Variants in TNKS observed in about 807,000 individuals in gnomAD.
TNKS encodes tankyrase.
In TNKS, 72 loss-of-function variants were observed where a neutral mutation model predicts 135.8. The ratio of observed to expected loss-of-function variants is 0.53; its 90% CI spans 0.44 to 0.64. The LOEUF (loss-of-function observed/expected upper bound fraction) is 0.64. Among genes scored for constraint, TNKS ranks in the 30% least tolerant of loss-of-function variants. The pLI, the probability that TNKS is intolerant of heterozygous loss-of-function variation, is 0.00. For synonymous variants in TNKS, 849 were observed against 649.3 expected (o/e 1.31, Z -4.68); for missense variants, 1,769 against 1,674.0 (o/e 1.06, Z -0.99).
intron 2 of TNKS, among the ~76,000 whole-genome samples, chr8:9,594,583 C>T (rs1169164795): frequency 6.6e-6 from 1 of 152,064 alleles, no homozygotes; most frequent in Admixed American, 6.6e-5. Flanking sequence ...GAGATCATTC[C>T]ACCATATTAT....
chr8:9,684,145 T>A (rs1033917574), intron 5 of TNKS, among the ~76,000 whole-genome samples: 1 of 152,032 alleles, frequency 6.6e-6, no homozygotes, highest in Non-Finnish European at 1.5e-5. Context: ...CACAATTCAT[T>A]ATTGCCATTA....
In TNKS at chr8:9,580,148, T is replaced by C; in HGVS notation, c.674-11T>C. The C allele has an allele frequency of 6.2e-7, 1 of 1,612,932 alleles. No homozygotes were observed. The highest frequency in any genetic ancestry group is 8.5e-7 in the Non-Finnish European group (1 of 1,179,128). ...AATATATATACAAGACATTTTTTCG[T>C]TTCTTTTTAGGTTTTGGAAGGAAGG... On this transcript the variant is annotated splice_polypyrimidine_tract_variant and intron_variant, in intron 1 of 26. Coordinates refer to ENST00000310430, the MANE Select transcript of TNKS (RefSeq NM_003747.3).
chr8:9,672,675 AAC>A (rs1802337291), intron 3 of TNKS, among the ~76,000 whole-genome samples: 2 of 121,644 alleles, frequency 1.6e-5, no homozygotes, highest in South Asian at 3.1e-4. Flanking sequence ...AAAAAAAAAA[AAC>A]ACATACACAC....
chr8:9,662,366 C>T lies in TNKS; in HGVS notation c.995-17585C>T, dbSNP rs571315957. Among the ~76,000 whole-genome samples the T allele has an allele frequency of 2.6e-5, 4 of 152,240 alleles. No individual in the cohort carries two copies. The South Asian group carries it at 8.3e-4, about 32-fold the overall frequency. On this transcript the variant is annotated intron_variant, in intron 3 of 26. Transcript: ENST00000310430. ...AACCCAAATGTCCATCAACGATAGA[C>T]TGGATTAAGAAAATGTGGCACATAT...
chr8:9,734,750 A>G (rs1805605249), intron 15 of TNKS, 115 bp from the exon 16 acceptor site: 2 of 867,260 alleles, frequency 2.3e-6, no homozygotes, highest in Admixed American at 2.9e-5. Context: ...CAAAATGCAT[A>G]TAGAGTAGAT....
intron 13 of TNKS, among the ~76,000 whole-genome samples, chr8:9,727,883 G>A (rs917162228): frequency 1.3e-5 from 2 of 152,098 alleles, no homozygotes; most frequent in Non-Finnish European, 2.9e-5. Flanking sequence ...ATAGCCACTA[G>A]GGAGAAATTT....
chr8:9,752,518 G>A (rs1307342093), intron 19 of TNKS, 26 bp from the exon 20 acceptor site: 2 of 1,553,706 alleles, frequency 1.3e-6, no homozygotes, highest in Non-Finnish European at 1.8e-6. Flanking sequence ...TTCTTTCTGA[G>A]AATCTTTAAT....
intron 25 of TNKS, among the ~76,000 whole-genome samples, chr8:9,767,828 A>G (rs1007901119): frequency 2.0e-5 from 3 of 151,916 alleles, no homozygotes; most frequent in Admixed American, 6.6e-5. Flanking sequence ...GCGTGGTGGC[A>G]GGCGCTTGTA....
rs376222441 is a variant in TNKS at position 9,706,812 on chromosome 8, A to T, written c.1271A>T (p.His424Leu). The T allele has an allele frequency of 3.7e-6, 6 of 1,604,172 alleles. No individual in the cohort carries two copies. The highest frequency in any genetic ancestry group is 5.1e-6 in the Non-Finnish European group (6 of 1,177,302). Residue 424 changes from histidine to leucine, a missense_variant and splice_region_variant, in exon 8 of 27, where the codon CAT becomes CTT. Coordinates refer to ENST00000310430, the MANE Select transcript of TNKS (RefSeq NM_003747.3). ...AAAATGTTTTTTTTCTCAATTCAGC[A>T]TGGAGCTTGTGTTAATGCCATGGAT... ...HYEVTELLLK[H>L]GACVNAMDLW...
chr8:9,572,196 A>G (rs1028210164), intron 1 of TNKS, among the ~76,000 whole-genome samples: 1 of 152,182 alleles, frequency 6.6e-6, no homozygotes, highest in African/African-American at 2.4e-5. Context: ...CATATCTGAG[A>G]TTAATTTGAC....
At chr8:9,606,318 A>G (rs1249291247) in intron 2 of TNKS, among the ~76,000 whole-genome samples, 2 of 151,904 alleles carry the variant, frequency 1.3e-5, no homozygotes, top group Admixed American at 1.3e-4. Flanking sequence ...GTTGGTTTAC[A>G]TACCCAAGTC....
intron 17 of TNKS, among the ~76,000 whole-genome samples, chr8:9,740,055 TAAAAAAAA>T (rs58285747): frequency 9.3e-4 from 81 of 87,448 alleles, no homozygotes; most frequent in East Asian, 1.4e-3. Context: ...TAGAGTATAA[TAAAAAAAA>T]AAAAAAAAAA....
At chr8:9,767,890 C>T (rs534910666) in intron 25 of TNKS, among the ~76,000 whole-genome samples, 438 of 144,454 alleles carry the variant, frequency 3.0e-3, no homozygotes, top group Non-Finnish European at 4.7e-3. Context: ...ACCCAGGAGG[C>T]GGAGGTTGCA....
At chr8:9,730,256 T>A (rs972161999) in intron 13 of TNKS, among the ~76,000 whole-genome samples, 2 of 151,974 alleles carry the variant, frequency 1.3e-5, no homozygotes, top group Non-Finnish European at 2.9e-5. Context: ...ATAGAAGAGA[T>A]TTGGAGGACA....
Position 9,655,945 on chromosome 8 carries a change from G to A in TNKS, c.995-24006G>A, listed in dbSNP as rs188950617. Among the ~76,000 whole-genome samples the A allele has an allele frequency of 2.5e-3, 380 of 152,266 alleles. 2 individuals are homozygous for A. The highest frequency in any genetic ancestry group is 4.0e-3 in the Non-Finnish European group (273 of 68,018). On this transcript the variant is annotated intron_variant, in intron 3 of 26. Transcript: ENST00000310430. ...AGGCTTCAGAAGATCAAACTATTCC[G>A]AGCTAAAGGAGGAGGTTTGAACCGA...
chr8:9,609,665 A>G (rs1366822975), intron 2 of TNKS, among the ~76,000 whole-genome samples: 2 of 152,068 alleles, frequency 1.3e-5, no homozygotes, highest in African/African-American at 4.8e-5. Flanking sequence ...TTGTTAGCTC[A>G]TAGATGATTT....
intron 3 of TNKS, among the ~76,000 whole-genome samples, chr8:9,660,949 A>G (rs1266049793): frequency 7.4e-5 from 11 of 148,778 alleles, no homozygotes; most frequent in Admixed American, 6.9e-4. Context: ...AATAGCAGAC[A>G]GAGAGCCAAA....
At chr8:9,620,434 G>T (rs1300300533) in intron 3 of TNKS, among the ~76,000 whole-genome samples, 1 of 152,042 alleles carries the variant, frequency 6.6e-6, no homozygotes, top group East Asian at 1.9e-4. Context: ...CTTAAACTTC[G>T]CTCAGTTCTC....
intron 1 of TNKS, among the ~76,000 whole-genome samples, chr8:9,569,838 A>T (rs1296508804): frequency 6.6e-6 from 1 of 152,048 alleles, no homozygotes; most frequent in Non-Finnish European, 1.5e-5. Flanking sequence ...TGTTAAAGTC[A>T]TTGTGAATAT....
Sources: gnomAD v4.1 joint callset for allele counts (sites outside exome capture counted in the v4.1 genomes callset) on GRCh38, gnomAD v4.1.1 for gene constraint, MANE v1.5 for transcripts, NCBI Gene and HGNC (gene_info 2026-07-23, HGNC 2026-07-21) for gene names.